Variants in DEF6 observed in about 807,000 individuals in gnomAD.
DEF6 encodes differentially expressed in FDCP 6 homolog.
Under a neutral mutation model 80.5 loss-of-function variants are expected in DEF6, and 32 were observed. That is an observed-to-expected ratio of 0.40 (90% CI 0.30 to 0.53). The LOEUF is 0.53. Ranked by LOEUF, DEF6 falls within the 20% of genes least tolerant of loss-of-function variation. The pLI is 0.57. For missense variants in DEF6, 575 were observed against 818.7 expected (o/e 0.70, Z 3.63); for synonymous variants, 300 against 337.9 (o/e 0.89, Z 1.23).
At chr6:35,314,313 C>T (rs6906987) in intron 5 of DEF6, among the ~76,000 whole-genome samples, 109,913 of 150,946 alleles carry the variant, frequency 0.73, 41,367 homozygotes, top group Non-Finnish European at 0.82. Context: ...GAGGCTGAGG[C>T]AGGAGAATCG....
chr6:35,317,724 T>C (rs1791538483), intron 5 of DEF6, 167 bp from the exon 6 acceptor site: 2 of 546,120 alleles, frequency 3.7e-6, no homozygotes, highest in Non-Finnish European at 6.5e-6. Context: ...TTGTGGGGAC[T>C]TAAGTCCCCC....
Position 35,321,525 on chromosome 6 carries a change from G to C in DEF6, c.*115G>C, listed in dbSNP as rs1227691875. The C allele has an allele frequency of 1.1e-6, 1 of 950,608 alleles. No individual in the cohort carries two copies. Among genetic ancestry groups the C allele is most frequent in the African/African-American group, 1.7e-5 (1 of 60,310 alleles). The allele number at this position is 950,608 out of a possible 1,614,324, so 58.9% of individuals were successfully genotyped here. A position where few individuals can be genotyped will look rare whatever the true frequency, so the allele number is the denominator to read the frequency against. ...AGGGAGCTGAGGTCCTGGTGCCAGGGGCCCAGGCCCTCCAACCATAAACAG... is the reference window on the plus strand; with the variant it reads ...AGGGAGCTGAGGTCCTGGTGCCAGGCGCCCAGGCCCTCCAACCATAAACAG... On this transcript the variant is annotated 3_prime_UTR_variant, in exon 11 of 11. Transcript: ENST00000316637.
intron 3 of DEF6, among the ~76,000 whole-genome samples, chr6:35,311,697 C>T (rs1791469167): frequency 6.6e-6 from 1 of 152,196 alleles, no homozygotes; most frequent in Non-Finnish European, 1.5e-5. Flanking sequence ...ACCCCAGCCA[C>T]CACTTCCGGT....
rs566863519 is a variant in DEF6, at chr6:35,306,848, A to C, written c.97-2822A>C. ...ACTATGCACCAGGTACTCTTCACTC[A>C]AAACAGCCTTTGGAGCAGACCCTAT... On this transcript the variant is annotated intron_variant, in intron 1 of 10. Transcript: ENST00000316637. Among the ~76,000 whole-genome samples, 25 of 152,350 alleles carry C rather than the reference A, an allele frequency of 1.6e-4. 1 individual carries two copies. In the South Asian group the frequency reaches 4.6e-3, roughly 28 times the overall value.
At chr6:35,299,375 GCCC>G (rs1791283364) in intron 1 of DEF6, among the ~76,000 whole-genome samples, 1 of 151,172 alleles carries the variant, frequency 6.6e-6, no homozygotes, top group Non-Finnish European at 1.5e-5. Flanking sequence ...GACAATACCA[GCCC>G]CCGTGGCTTT....
chr6:35,320,806 C>A (rs1582235587), intron 9 of DEF6, 78 bp from the exon 10 acceptor site: 2 of 1,312,802 alleles, frequency 1.5e-6, no homozygotes, highest in Non-Finnish European at 1.1e-6. Context: ...TTTTAAGCAG[C>A]CTGCGAACCT....
Position 35,310,257 on chromosome 6 carries a change from T to G in DEF6, c.238-202T>G, listed in dbSNP as rs563254733. 1.1e-4 allele frequency among the ~76,000 whole-genome samples: 17 copies of G among 151,944 alleles called. No individual in the cohort carries two copies. The East Asian group carries it at 3.3e-3, about 29-fold the overall frequency. On this transcript the variant is annotated intron_variant, in intron 2 of 10. Coordinates refer to ENST00000316637, the MANE Select transcript of DEF6 (RefSeq NM_022047.4). ...TTAATCTGTTGTCAGGGGGCCTGGG[T>G]GGGTGTGGGTGTGTTGTGGAGGGTG...
intron 5 of DEF6, among the ~76,000 whole-genome samples, chr6:35,315,451 A>G (rs1200473307): frequency 1.6e-5 from 1 of 63,836 alleles, no homozygotes; most frequent in African/African-American, 5.3e-5. Flanking sequence ...GTAGTTCCGT[A>G]TAAATTTTAG....
At chr6:35,308,802 G>A (rs1051880353) in intron 1 of DEF6, among the ~76,000 whole-genome samples, 12 of 151,748 alleles carry the variant, frequency 7.9e-5, no homozygotes, top group Non-Finnish European at 1.3e-4. Flanking sequence ...TACAGTGACC[G>A]GCATATGGTA....
Position 35,312,846 on chromosome 6 carries a change from T to C in DEF6, c.807+74T>C. 1 of 1,430,266 alleles carries C rather than the reference T, an allele frequency of 7.0e-7. No individual in the cohort carries two copies. The highest frequency in any genetic ancestry group is 1.4e-5 in the African/African-American group (1 of 70,558). The allele number at this position is 1,430,266 out of a possible 1,614,324, so 88.6% of individuals were successfully genotyped here. A position where few individuals can be genotyped will look rare whatever the true frequency, so the allele number is the denominator to read the frequency against. On this transcript the variant is annotated intron_variant, in intron 5 of 10. Coordinates refer to ENST00000316637, the MANE Select transcript of DEF6 (RefSeq NM_022047.4). The surrounding 1 kb of genome is among the most constrained non-coding windows in gnomAD (Gnocchi z 6.6). Reference sequence around the variant, plus strand: ...TCAGGGGCATGAGAAGACAAGGGGGTCAGGAGAGGGGCAAATGGAGAAAAG... The same window carrying C: ...TCAGGGGCATGAGAAGACAAGGGGGCCAGGAGAGGGGCAAATGGAGAAAAG...
chr6:35,320,439 C>T (rs574714625), intron 9 of DEF6, among the ~76,000 whole-genome samples: 1 of 152,248 alleles, frequency 6.6e-6, no homozygotes, highest in East Asian at 1.9e-4. Context: ...ATCCCCCCCA[C>T]CTCACAACCA....
In DEF6 at chr6:35,321,578, A is replaced by G. The variant is rs926372259; in HGVS notation, c.*168A>G. The G allele has an allele frequency of 1.7e-5, 10 of 594,558 alleles. No individual in the cohort carries two copies. The Admixed American group carries it at 1.9e-4, about 11-fold the overall frequency. 36.8% of individuals were successfully genotyped at this position (594,558 alleles called of 1,614,324 possible). On this transcript the variant is annotated 3_prime_UTR_variant, in exon 11 of 11. Transcript: ENST00000316637. Reference sequence around the variant, plus strand: ...CAGGATGGAACCTGGTTCACCCTTCATACCAGCTCCAAGCCCCAGACCATG... The same window carrying G: ...CAGGATGGAACCTGGTTCACCCTTCGTACCAGCTCCAAGCCCCAGACCATG...
chr6:35,316,892 C>G (rs867180497), intron 5 of DEF6, among the ~76,000 whole-genome samples: 1 of 152,174 alleles, frequency 6.6e-6, no homozygotes, highest in African/African-American at 2.4e-5. Context: ...GACCCCAGCT[C>G]CTAGTATCCT....
chr6:35,319,669 C>A lies in DEF6; in HGVS notation c.1361C>A (p.Ser454Tyr). Residue 454 changes from serine to tyrosine, a missense_variant, in exon 8 of 11, where the codon TCT becomes TAT. Ser to Tyr is a moderately radical substitution (Grantham distance 144). Coordinates refer to ENST00000316637, the MANE Select transcript of DEF6 (RefSeq NM_022047.4). This position sits in a 1 kb window ranked among gnomAD's most constrained non-coding sequence, Gnocchi z 4.5. ...GTGAAAGCTCGGCGAGATGAAGAAT[C>A]TGTGCGAATCGCTCAGACCAGGTAG... The part of the protein sequence containing the change: ...LEVKARRDEE[S>Y]VRIAQTRLLE... The A allele has an allele frequency of 6.2e-7, 1 of 1,612,764 alleles. No individual in the cohort carries two copies. Among genetic ancestry groups the A allele is most frequent in the Non-Finnish European group, 8.5e-7 (1 of 1,179,134 alleles).
In DEF6 at chr6:35,312,474, G is replaced by A. The variant is rs1041454042; in HGVS notation, c.596G>A (p.Arg199Gln). 8.1e-6 allele frequency: 13 copies of A among 1,614,154 alleles called. No individual in the cohort carries two copies. Among genetic ancestry groups the A allele is most frequent in the East Asian group, 2.2e-5 (1 of 44,876 alleles). The change falls in exon 4 of 11, where the codon CGG (arginine) becomes CAG (glutamine). Residue 199 changes from arginine (R) to glutamine (Q), a missense_variant. Transcript: ENST00000316637. This position sits in a 1 kb window ranked among gnomAD's most constrained non-coding sequence, Gnocchi z 6.6. ...NSGRCLRGVG[R>Q]DTLSMAIHEV... Reference sequence around the variant, plus strand: ...GGCCGCTGCCTGCGGGGCGTGGGCCGGGACACCCTCAGCATGGCCATCCAC... The same window carrying A: ...GGCCGCTGCCTGCGGGGCGTGGGCCAGGACACCCTCAGCATGGCCATCCAC...
chr6:35,306,511 TA>T lies in DEF6; in HGVS notation c.97-3145del, dbSNP rs988384869. Reference sequence around the variant, plus strand: ...GGGCAACAAGAGTGAAATTCTGTCTTAAAAAAAAAAAAAAGATGAAAGTTTC... The same window carrying T: ...GGGCAACAAGAGTGAAATTCTGTCTTAAAAAAAAAAAAAGATGAAAGTTTC... On this transcript the variant is annotated intron_variant, in intron 1 of 10. Transcript: ENST00000316637. 5.8e-3 allele frequency among the ~76,000 whole-genome samples: 818 copies of T among 140,448 alleles called. 2 individuals are homozygous for T. The highest frequency in any genetic ancestry group is 9.4e-3 in the African/African-American group (361 of 38,554). The allele number at this position is 140,448 out of a possible 152,430, so 92.1% of individuals were successfully genotyped here. A position where few individuals can be genotyped will look rare whatever the true frequency, so the allele number is the denominator to read the frequency against.
rs1362829429 is a variant in DEF6 at position 35,318,083 on chromosome 6, G to A, written c.916+84G>A. ...AGGGGGTGATAATACTTTGTCCAGC[G>A]GGAGGTTGGAGAGTGGACTCGGGAA... On this transcript the variant is annotated intron_variant, in intron 6 of 10. Transcript: ENST00000316637. The surrounding 1 kb of genome is among the most constrained non-coding windows in gnomAD (Gnocchi z 5.1). The A allele has an allele frequency of 1.9e-6, 3 of 1,547,602 alleles. No homozygotes were observed. The African/African-American group carries it at 4.1e-5, about 21-fold the overall frequency.
chr6:35,308,726 ATAAAT>A (rs1791425100), intron 1 of DEF6, among the ~76,000 whole-genome samples: 1 of 143,822 alleles, frequency 7.0e-6, no homozygotes, highest in Middle Eastern at 3.2e-3. Flanking sequence ...ATAAAATAAA[ATAAAT>A]AAAATAATAA....
chr6:35,301,019 C>T (rs927904538), intron 1 of DEF6, among the ~76,000 whole-genome samples: 2 of 152,130 alleles, frequency 1.3e-5, no homozygotes, highest in Non-Finnish European at 2.9e-5. Flanking sequence ...CTACCACTTC[C>T]TCCTTGACTG....
Sources: gnomAD v4.1 joint callset for allele counts (sites outside exome capture counted in the v4.1 genomes callset) on GRCh38, gnomAD v4.1.1 for gene constraint, Gnocchi (gnomAD v3.1) non-coding constraint, MANE v1.5 for transcripts, NCBI Gene and HGNC (gene_info 2026-07-23, HGNC 2026-07-21) for gene names.